Variants in PTPRE observed in about 807,000 individuals in gnomAD.
The protein encoded by PTPRE is protein tyrosine phosphatase receptor type E.
PTPRE carries 51 observed loss-of-function variants against 102.0 expected under a neutral mutation model. The observed-to-expected ratio is 0.50, with a 90% confidence interval of 0.40 to 0.63. The LOEUF is 0.63. Among genes scored for constraint, PTPRE ranks in the 30% least tolerant of loss-of-function variants. The pLI is 0.00. For synonymous variants in PTPRE, 345 were observed against 348.2 expected, an observed-to-expected ratio of 0.99 and a Z score of 0.10; for missense variants, 752 against 915.1, an observed-to-expected ratio of 0.82 and a Z score of 2.30.
At chr10:128,048,683 T>C (rs907412952) in intron 5 of PTPRE, among the ~76,000 whole-genome samples, 22 of 152,048 alleles carry the variant, frequency 1.4e-4, no homozygotes, top group African/African-American at 5.3e-4. Context: ...GCCCTGAATG[T>C]TTCAATAGCA....
At chr10:128,026,445 C>T (rs868060754) in intron 2 of PTPRE, among the ~76,000 whole-genome samples, 1 of 152,242 alleles carries the variant, frequency 6.6e-6, no homozygotes, top group African/African-American at 2.4e-5. Flanking sequence ...GAACAACGCC[C>T]ACTTCCAGTG....
At chr10:127,963,959 G>A (rs1189964829) in intron 1 of PTPRE, among the ~76,000 whole-genome samples, 1 of 152,162 alleles carries the variant, frequency 6.6e-6, no homozygotes, top group Non-Finnish European at 1.5e-5. Flanking sequence ...TGGAGAAGGA[G>A]TTCAGTTTTA....
chr10:128,035,231 G>A (rs921407161), intron 2 of PTPRE, among the ~76,000 whole-genome samples: 3 of 151,748 alleles, frequency 2.0e-5, no homozygotes, highest in South Asian at 2.1e-4. Flanking sequence ...GCGATCTGTC[G>A]GCCTGGGCAT....
chr10:127,970,326 T>C (rs1238332120), intron 1 of PTPRE, among the ~76,000 whole-genome samples: 1 of 152,180 alleles, frequency 6.6e-6, no homozygotes, highest in African/African-American at 2.4e-5. Context: ...GTAAGGTCTT[T>C]TCAGTGTAAG....
intron 1 of PTPRE, among the ~76,000 whole-genome samples, chr10:127,916,073 C>T (rs1846185980): frequency 6.6e-6 from 1 of 151,760 alleles, no homozygotes; most frequent in South Asian, 2.1e-4. Context: ...AACTCACTTC[C>T]AGGGAGTGTT....
intron 1 of PTPRE, among the ~76,000 whole-genome samples, chr10:127,921,853 A>G (rs1846631848): frequency 1.3e-5 from 2 of 152,192 alleles, no homozygotes; most frequent in South Asian, 4.1e-4. Context: ...TCTTCAATGC[A>G]GAGGGCAGGA....
At chr10:128,007,201 T>C (rs566580570) in intron 2 of PTPRE, among the ~76,000 whole-genome samples, 1 of 152,294 alleles carries the variant, frequency 6.6e-6, no homozygotes, top group East Asian at 1.9e-4. Flanking sequence ...TGGCTGAGTG[T>C]TTATAGAGAC....
rs372899764 is a variant in PTPRE, at chr10:127,949,229, C to A, written c.-30-33045C>A. On this transcript the variant is annotated intron_variant, in intron 1 of 20. Transcript: ENST00000254667. The stretch of plus-strand genomic sequence containing the variant: ...GCCTGTTGTGGGACTTCTCAGCCAA[C>A]CCTAATTAGAAGGGTTGAGCCAACC... Among the ~76,000 whole-genome samples, 15 of 152,242 alleles carry A rather than the reference C, an allele frequency of 9.9e-5. No homozygotes were observed. In the South Asian group the frequency reaches 1.5e-3, roughly 15 times the overall value.
intron 1 of PTPRE, among the ~76,000 whole-genome samples, chr10:127,939,241 A>C (rs1341876959): frequency 6.6e-6 from 1 of 152,202 alleles, no homozygotes; most frequent in Non-Finnish European, 1.5e-5. Flanking sequence ...CTTACTAATA[A>C]AAGGGAATCA....
intron 1 of PTPRE, chr10:127,936,222 A>G (rs1056261493): frequency 6.6e-6 from 1 of 152,222 alleles, no homozygotes; most frequent in African/African-American, 2.4e-5. Flanking sequence ...TCTATCTTAC[A>G]CTTTAAAAAG....
At chr10:127,990,332 A>G (rs1007365069) in intron 2 of PTPRE, among the ~76,000 whole-genome samples, 4 of 150,278 alleles carry the variant, frequency 2.7e-5, no homozygotes, top group Non-Finnish European at 5.9e-5. Flanking sequence ...GAATCACTTG[A>G]ACCCAGGAGG....
intron 9 of PTPRE, among the ~76,000 whole-genome samples, chr10:128,062,575 G>A (rs184696750): frequency 5.8e-4 from 88 of 152,326 alleles, no homozygotes; most frequent in African/African-American, 1.8e-3. Context: ...CAAAATAGCC[G>A]CAGCTCAGAC....
intron 2 of PTPRE, among the ~76,000 whole-genome samples, chr10:128,020,390 AAT>A (rs575004542): frequency 1.1e-3 from 169 of 152,310 alleles, no homozygotes; most frequent in African/African-American, 3.9e-3. Flanking sequence ...TCAGGTTACA[AAT>A]ATAATCAGTT....
intron 6 of PTPRE, among the ~76,000 whole-genome samples, chr10:128,055,572 C>T (rs964082688): frequency 6.6e-6 from 1 of 152,064 alleles, no homozygotes; most frequent in East Asian, 1.9e-4. Context: ...CGGGAGTGCC[C>T]AAGCCACTGG....
At chr10:128,057,307 C>T (rs780818444) in intron 7 of PTPRE, among the ~76,000 whole-genome samples, 2 of 152,140 alleles carry the variant, frequency 1.3e-5, no homozygotes, top group African/African-American at 2.4e-5. Context: ...ATCTGCTTTG[C>T]CCATCAGGCT....
chr10:127,942,600 A>G (rs1395040833), intron 1 of PTPRE, among the ~76,000 whole-genome samples: 1 of 152,234 alleles, frequency 6.6e-6, no homozygotes, highest in Non-Finnish European at 1.5e-5. Flanking sequence ...AGACGTACTG[A>G]GTGGAATAAG....
intron 7 of PTPRE, among the ~76,000 whole-genome samples, chr10:128,059,976 C>T (rs145162384): frequency 4.7e-5 from 7 of 147,832 alleles, no homozygotes; most frequent in African/African-American, 7.5e-5. Context: ...ACACACCCAC[C>T]GCACATAACG....
Position 128,050,330 on chromosome 10 carries a change from C to CAGAT in PTPRE, c.420+664_420+665insAGAT, listed in dbSNP as rs1161336115. On this transcript the variant is annotated intron_variant, in intron 6 of 20. Transcript: ENST00000254667. ...ATGGATGGATGGATGAGTGGGAGGG[C>CAGAT]GGATGGATGGATGGATGGATGGATG... is the stretch of plus-strand genomic sequence containing the variant. Among the ~76,000 whole-genome samples, 266 of 94,668 alleles carry CAGAT rather than the reference C, an allele frequency of 2.8e-3. 2 individuals are homozygous for CAGAT. The highest frequency in any genetic ancestry group is 0.01 in the African/African-American group (251 of 24,904). The allele number at this position is 94,668 out of a possible 152,430, so 62.1% of individuals were successfully genotyped here.
chr10:127,942,205 G>A (rs778115645), intron 1 of PTPRE, among the ~76,000 whole-genome samples: 8 of 152,136 alleles, frequency 5.3e-5, no homozygotes, highest in Non-Finnish European at 1.2e-4. Flanking sequence ...CCAGGTAGAT[G>A]GTTTAAGCAC....
Sources: gnomAD v4.1 joint callset for allele counts (sites outside exome capture counted in the v4.1 genomes callset) on GRCh38, gnomAD v4.1.1 for gene constraint, MANE v1.5 for transcripts, NCBI Gene and HGNC (gene_info 2026-07-23, HGNC 2026-07-21) for gene names.